The following ANKRD13D variants were observed in gnomAD, a reference collection of about 807,000 sequenced individuals.
ANKRD13D encodes the protein ankyrin repeat domain-containing protein 13D.
A neutral mutation model predicts 68.8 loss-of-function variants in ANKRD13D; 24 were observed. The observed-to-expected ratio is 0.35, with a 90% CI of 0.25 to 0.49. The LOEUF (loss-of-function observed/expected upper bound fraction) is 0.49. Ranked by LOEUF, ANKRD13D falls within the 20% of genes least tolerant of loss-of-function variation. ANKRD13D has a pLI of 0.99. For missense variants in ANKRD13D, 735 were observed against 832.1 expected (o/e 0.88, Z 1.44); for synonymous variants, 331 against 336.1 (o/e 0.98, Z 0.16).
chr11:67,301,276 TCA>T lies in ANKRD13D; in HGVS notation c.1232-3_1232-2del. 1 of 1,608,782 alleles carries T rather than the reference TCA, an allele frequency of 6.2e-7. No homozygotes were observed. The highest frequency in any genetic ancestry group is 8.5e-7 in the Non-Finnish European group (1 of 1,177,098). ...CCAGGGCTCAGGCGTGGCTGTCTTC[TCA>T]CAGAGATTCCCCTTTTCCACGTGCT... is the stretch of plus-strand genomic sequence containing the variant. On this transcript the variant is annotated splice_region_variant and splice_polypyrimidine_tract_variant and intron_variant, in intron 11 of 14. Transcript: ENST00000511455. This position sits in a 1 kb window ranked among gnomAD's most constrained non-coding sequence, Gnocchi z 4.5.
Position 67,301,408 on chromosome 11 carries a change from C to T in ANKRD13D, c.1348+10C>T, listed in dbSNP as rs774548590. On this transcript the variant is annotated intron_variant, in intron 12 of 14. Transcript: ENST00000511455. The surrounding 1 kb of genome is among the most constrained non-coding windows in gnomAD (Gnocchi z 4.5). ...GCTGTTGCCGCATCAGGTACCCCAACGGGAGGAAGAGGGAGCCTGCACAGC... is the reference window on the plus strand; with the variant it reads ...GCTGTTGCCGCATCAGGTACCCCAATGGGAGGAAGAGGGAGCCTGCACAGC... 37 of 1,609,138 alleles carry T rather than the reference C, an allele frequency of 2.3e-5. No homozygotes were observed. The Admixed American group carries it at 2.4e-4, about 10-fold the overall frequency.
At chr11:67,292,306 C>T (rs906233949) in intron 6 of ANKRD13D, 126 bp downstream of exon 6, 82 of 1,149,222 alleles carry the variant, frequency 7.1e-5, no homozygotes, top group Middle Eastern at 4.6e-4. Context: ...AGGGGCTGCT[C>T]AGGGGCAGGT....
Position 67,299,279 on chromosome 11 carries a change from C to A in ANKRD13D, c.798+155C>A. 1 of 882,916 alleles carries A rather than the reference C, an allele frequency of 1.1e-6. No homozygotes were observed. The highest frequency in any genetic ancestry group is 1.5e-5 in the South Asian group (1 of 66,394). 54.7% of individuals were successfully genotyped at this position (882,916 alleles called of 1,614,324 possible). A position where few individuals can be genotyped will look rare whatever the true frequency, so the allele number is the denominator to read the frequency against. ...CTGAGTGCCCAGCCCCTGCGGAGTA[C>A]ACAGGGCTCACCCACATCATGGGCC... On this transcript the variant is annotated intron_variant, in intron 7 of 14. Coordinates refer to ENST00000511455, the MANE Select transcript of ANKRD13D (RefSeq NM_207354.3). This position sits in a 1 kb window ranked among gnomAD's most constrained non-coding sequence, Gnocchi z 6.2.
In ANKRD13D at chr11:67,290,366, C is replaced by T; in HGVS notation, c.271C>T (p.Leu91=). The change falls in exon 3 of 15, where the codon CTG becomes TTG. Residue 91 remains leucine (L), a synonymous_variant. Coordinates refer to ENST00000511455, the MANE Select transcript of ANKRD13D (RefSeq NM_207354.3). ...VSTGDPEMVQ[L]VLQYRDYQRA... is the part of the protein sequence containing the mutation. ...CACTGGAGACCCCGAGATGGTGCAG[C>T]TGGTGCTCCAGTATCGGGACTACCA... is the stretch of plus-strand genomic sequence containing the variant. 6.3e-7 allele frequency: 1 copy of T among 1,579,980 alleles called. No homozygotes were observed. Among genetic ancestry groups the T allele is most frequent in the Non-Finnish European group, 8.6e-7 (1 of 1,163,626 alleles).
chr11:67,289,683 C>G (rs1361454036), intron 1 of ANKRD13D, 133 bp downstream of exon 1: 15 of 1,279,744 alleles, frequency 1.2e-5, no homozygotes, highest in Non-Finnish European at 1.5e-5. Context: ...CTCCCCTGCA[C>G]GATCCCAAGC....
Position 67,299,106 on chromosome 11 carries a change from T to C in ANKRD13D, c.780T>C (p.Val260=), listed in dbSNP as rs762960172. The C allele has an allele frequency of 1.2e-6, 2 of 1,603,906 alleles. No individual in the cohort carries two copies. Among genetic ancestry groups the C allele is most frequent in the Non-Finnish European group, 1.7e-6 (2 of 1,176,404 alleles). ...WGWRSEKMET[V]SGYEAKVYSA... ...GGCGGTCTGAGAAGATGGAAACTGT[T>C]AGCGGCTACGAGGCCAAGGCAGGAG... is the stretch of plus-strand genomic sequence containing the variant. Residue 260 remains valine, a synonymous_variant, in exon 7 of 15, where the codon GTT becomes GTC. Coordinates refer to ENST00000511455, the MANE Select transcript of ANKRD13D (RefSeq NM_207354.3). This position sits in a 1 kb window ranked among gnomAD's most constrained non-coding sequence, Gnocchi z 6.2.
At position 67,300,885 on chromosome 11, in the gene ANKRD13D, C is replaced by T. The variant is rs60229295; in HGVS notation, c.1074-105C>T. 52,353 of 1,421,426 alleles carry T rather than the reference C, an allele frequency of 0.037. 2,048 individuals carry two copies. The highest frequency in any genetic ancestry group is 0.18 in the African/African-American group (12,999 of 70,620). The allele number at this position is 1,421,426 out of a possible 1,614,324, so 88.1% of individuals were successfully genotyped here. On this transcript the variant is annotated intron_variant, in intron 10 of 14. Coordinates refer to ENST00000511455, the MANE Select transcript of ANKRD13D (RefSeq NM_207354.3). The surrounding 1 kb of genome is among the most constrained non-coding windows in gnomAD (Gnocchi z 4.3). The stretch of plus-strand genomic sequence containing the variant: ...TCTGAGCAGAGCAGGGCACTCCAGG[C>T]CAGGCAGAAGGTGGGTAAAGGCAGC...
intron 1 of ANKRD13D, chr11:67,289,778 G>T (rs974071631): frequency 2.8e-6 from 4 of 1,414,994 alleles, no homozygotes; most frequent in African/African-American, 1.5e-5. Flanking sequence ...ACTCGCTTCC[G>T]CATCCTTGCT....
chr11:67,292,056 C>T lies in ANKRD13D; in HGVS notation c.607C>T (p.Leu203Phe). Residue 203 changes from leucine to phenylalanine, a missense_variant, in exon 6 of 15, where the codon CTC becomes TTC. Leu to Phe is a conservative substitution (Grantham distance 22). Transcript: ENST00000511455. ...GGTGGTGCATGTGGAGACACTGGGG[C>T]TCACTCTGCAGGAGCCCGAAACACT... The part of the protein sequence containing the change: ...RQVVHVETLG[L>F]TLQEPETLLA... The T allele has an allele frequency of 6.2e-7, 1 of 1,607,522 alleles. No individual in the cohort carries two copies. The highest frequency in any genetic ancestry group is 8.5e-7 in the Non-Finnish European group (1 of 1,175,398).
Position 67,299,460 on chromosome 11 carries a change from C to A in ANKRD13D, c.799-70C>A. ...TCTCTGGGACAGGAGGACCTGGGTT[C>A]TGCACTGGTGAGGCTGAGTGTGGGG... On this transcript the variant is annotated intron_variant, in intron 7 of 14. Coordinates refer to ENST00000511455, the MANE Select transcript of ANKRD13D (RefSeq NM_207354.3). This position sits in a 1 kb window ranked among gnomAD's most constrained non-coding sequence, Gnocchi z 6.2. The A allele has an allele frequency of 7.6e-7, 1 of 1,315,076 alleles. No individual in the cohort carries two copies. Among genetic ancestry groups the A allele is most frequent in the South Asian group, 1.3e-5 (1 of 76,642 alleles). 81.5% of individuals were successfully genotyped at this position (1,315,076 alleles called of 1,614,324 possible). A position where few individuals can be genotyped will look rare whatever the true frequency, so the allele number is the denominator to read the frequency against.
At chr11:67,291,351 C>CAAAAAA (rs369072835) in intron 3 of ANKRD13D, 125 bp from the exon 4 acceptor site, 3 of 500,714 alleles carry the variant, frequency 6.0e-6, no homozygotes, top group Admixed American at 4.9e-5. Flanking sequence ...GAGCAAGTCT[C>CAAAAAA]AAAAAAAAAA....
intron 6 of ANKRD13D, among the ~76,000 whole-genome samples, chr11:67,295,576 CA>C (rs1020765202): frequency 4.1e-5 from 6 of 145,134 alleles, no homozygotes; most frequent in African/African-American, 7.6e-5. Flanking sequence ...AATACAAAAA[CA>C]AAAAAAAAAT....
At position 67,292,120 on chromosome 11, in the gene ANKRD13D, G is replaced by C. The variant is rs753990181; in HGVS notation, c.671G>C (p.Ser224Thr). ...AMRPSEEHVA[S>T]RLTSPIVSTH... ...CGGCCCAGCGAGGAGCATGTGGCCA[G>C]TCGCCTCACCTCTCCTATCGTCTCC... Residue 224 changes from serine (S) to threonine (T), a missense_variant, in exon 6 of 15, where the codon AGT becomes ACT. Coordinates refer to ENST00000511455, the MANE Select transcript of ANKRD13D (RefSeq NM_207354.3). 24 of 1,612,480 alleles carry C rather than the reference G, an allele frequency of 1.5e-5. No individual in the cohort carries two copies. The highest frequency in any genetic ancestry group is 6.8e-6 in the Non-Finnish European group (8 of 1,178,798).
intron 3 of ANKRD13D, 96 bp from the exon 4 acceptor site, chr11:67,291,380 T>G: frequency 6.0e-5 from 56 of 935,892 alleles, no homozygotes; most frequent in Middle Eastern, 3.0e-4. Context: ...AAAAAAGACC[T>G]GATGAAGGGC....
Position 67,301,668 on chromosome 11 carries a change from G to T in ANKRD13D, c.1512+17G>T, listed in dbSNP as rs1207774643. ...GCGGAGCAGGTGGGACTTGCCCAGG[G>T]GGTGGGCTCTGGCCTCTGCAGCCAC... On this transcript the variant is annotated intron_variant, in intron 13 of 14. Transcript: ENST00000511455. The surrounding 1 kb of genome is among the most constrained non-coding windows in gnomAD (Gnocchi z 4.5). 6.2e-7 allele frequency: 1 copy of T among 1,611,366 alleles called. No individual in the cohort carries two copies. Among genetic ancestry groups the T allele is most frequent in the East Asian group, 2.2e-5 (1 of 44,874 alleles).
In ANKRD13D at chr11:67,292,275, A is replaced by G. The variant is rs1475039554; in HGVS notation, c.731+95A>G. 5.1e-6 allele frequency: 7 copies of G among 1,375,018 alleles called. No individual in the cohort carries two copies. The Admixed American group carries it at 1.5e-4, about 29-fold the overall frequency. The allele number at this position is 1,375,018 out of a possible 1,614,324, so 85.2% of individuals were successfully genotyped here. A position where few individuals can be genotyped will look rare whatever the true frequency, so the allele number is the denominator to read the frequency against. ...GGGCGATCCTTGAAGATCCTGGTTCAGGCCTCTGGGCTCACTCACAAGGGG... is the reference window on the plus strand; with the variant it reads ...GGGCGATCCTTGAAGATCCTGGTTCGGGCCTCTGGGCTCACTCACAAGGGG... On this transcript the variant is annotated intron_variant, in intron 6 of 14. Coordinates refer to ENST00000511455, the MANE Select transcript of ANKRD13D (RefSeq NM_207354.3).
At position 67,299,966 on chromosome 11, in the gene ANKRD13D, G is replaced by A; in HGVS notation, c.943-27G>A. 6.3e-7 allele frequency: 1 copy of A among 1,599,042 alleles called. No individual in the cohort carries two copies. The highest frequency in any genetic ancestry group is 8.5e-7 in the Non-Finnish European group (1 of 1,170,540). On this transcript the variant is annotated intron_variant, in intron 9 of 14. Transcript: ENST00000511455. The surrounding 1 kb of genome is among the most constrained non-coding windows in gnomAD (Gnocchi z 6.2). ...GAGGGCACCCTCTGTCACCTTGATG[G>A]CTGAGTCCGCCCTGGGACCCACGCA...
intron 6 of ANKRD13D, among the ~76,000 whole-genome samples, chr11:67,297,505 C>T (rs1023186861): frequency 7.3e-6 from 1 of 136,692 alleles, no homozygotes; most frequent in Non-Finnish European, 1.6e-5. Context: ...TGGCCTTTAC[C>T]TGTGTCTCAT....
rs569673626 is a variant in ANKRD13D, at chr11:67,301,102, G to A, written c.1186G>A (p.Asp396Asn). 41 of 1,614,058 alleles carry A rather than the reference G, an allele frequency of 2.5e-5. No individual in the cohort carries two copies. The highest frequency in any genetic ancestry group is 1.3e-4 in the Admixed American group (8 of 60,012). The change falls in exon 11 of 15, where the codon GAC becomes AAC. Residue 396 changes from aspartate (D) to asparagine (N), a missense_variant. Coordinates refer to ENST00000511455, the MANE Select transcript of ANKRD13D (RefSeq NM_207354.3). This position sits in a 1 kb window ranked among gnomAD's most constrained non-coding sequence, Gnocchi z 4.5. ...CAACGCTCACTTTGCCAAGCTGCGC[G>A]ACTTCATCACTCTGCGCCTTCCACC... ...ISNAHFAKLRDFITLRLPPGF... is the reference protein window; with the variant it reads ...ISNAHFAKLRNFITLRLPPGF...
Sources: allele counts gnomAD v4.1 joint callset (sites outside exome capture counted in the v4.1 genomes callset), GRCh38; gene constraint gnomAD v4.1.1; non-coding constraint Gnocchi (gnomAD v3.1); transcripts MANE v1.5; gene names NCBI Gene and HGNC (gene_info 2026-07-23, HGNC 2026-07-21).